Variants in PLG observed in about 807,000 individuals in gnomAD.
PLG encodes plasminogen.
In PLG, 41 loss-of-function variants were observed where a neutral mutation model predicts 104.4. The ratio of observed to expected loss-of-function variants is 0.39; its 90% CI spans 0.31 to 0.51. PLG has a LOEUF of 0.51. Ranked by LOEUF, PLG falls within the 20% of genes least tolerant of loss-of-function variation. The pLI, the probability that PLG is intolerant of heterozygous loss-of-function variation, is 0.76. For missense variants in PLG, 891 were observed against 1,003.6 expected (o/e 0.89, Z 1.52); for synonymous variants, 337 against 357.1 (o/e 0.94, Z 0.63).
chr6:160,706,086 C>T (rs1777516411), intron 1 of PLG: 1 of 366,146 alleles, frequency 2.7e-6, no homozygotes, highest in Admixed American at 4.2e-5. Flanking sequence ...TGACACTGAG[C>T]TTTGGGGTAC....
chr6:160,742,968 C>A (rs532557605), intron 17 of PLG, among the ~76,000 whole-genome samples: 1 of 149,734 alleles, frequency 6.7e-6, no homozygotes. Context: ...AGGTGTGTGG[C>A]CTTATTTCTG....
chr6:160,720,616 C>T (rs1026669333), intron 9 of PLG, among the ~76,000 whole-genome samples: 3 of 151,882 alleles, frequency 2.0e-5, no homozygotes, highest in Non-Finnish European at 2.9e-5. Context: ...GACAGAGTTT[C>T]GCCATGTTGG....
rs1211407842 is a variant in PLG, at chr6:160,737,132, G to T, written c.1802+125G>T. 1.1e-5 allele frequency: 13 copies of T among 1,172,242 alleles called. No homozygotes were observed. The highest frequency in any genetic ancestry group is 1.6e-5 in the Non-Finnish European group (13 of 832,846). The allele number at this position is 1,172,242 out of a possible 1,614,324, so 72.6% of individuals were successfully genotyped here. On this transcript the variant is annotated intron_variant, in intron 14 of 18. Transcript: ENST00000308192. The surrounding 1 kb of genome is among the most constrained non-coding windows in gnomAD (Gnocchi z 4.7). The stretch of plus-strand genomic sequence containing the variant: ...CCTGCCTCTAAGTTTTCTGAAGGAG[G>T]AAAAAAGCTACAAAAATTAATATAT...
chr6:160,708,042 A>G (rs1197749072), intron 3 of PLG: 1 of 460,370 alleles, frequency 2.2e-6, no homozygotes, highest in African/African-American at 2.0e-5. Context: ...TTAGATTTAC[A>G]AAATCACTTC....
rs776857694 is a variant in PLG at position 160,735,453 on chromosome 6, T to C, written c.1681+1365T>C. Among the ~76,000 whole-genome samples the C allele has an allele frequency of 1.3e-5, 2 of 152,092 alleles. No individual in the cohort carries two copies. Among genetic ancestry groups the C allele is most frequent in the African/African-American group, 2.4e-5 (1 of 41,394 alleles). Reference sequence around the variant, plus strand: ...TGTACAAGAATCAGGTTCTTAGAGATTGGAGAAAGAAGGAAGAATGGGAAC... The same window carrying C: ...TGTACAAGAATCAGGTTCTTAGAGACTGGAGAAAGAAGGAAGAATGGGAAC... On this transcript the variant is annotated intron_variant, in intron 13 of 18. Coordinates refer to ENST00000308192, the MANE Select transcript of PLG (RefSeq NM_000301.5). The surrounding 1 kb of genome is among the most constrained non-coding windows in gnomAD (Gnocchi z 5.4).
intron 17 of PLG, among the ~76,000 whole-genome samples, chr6:160,749,630 C>G (rs575220103): frequency 1.4e-3 from 214 of 151,472 alleles, no homozygotes; most frequent in African/African-American, 5.1e-3. Context: ...CCACCACCAT[C>G]ATCACCACCA....
intron 1 of PLG, among the ~76,000 whole-genome samples, chr6:160,704,807 C>T (rs2115148319): frequency 6.6e-6 from 1 of 152,348 alleles, no homozygotes; most frequent in South Asian, 2.1e-4. Flanking sequence ...AATCGATGAG[C>T]ATGCATCCAC....
chr6:160,718,019 A>C (rs1426350156), intron 7 of PLG, among the ~76,000 whole-genome samples: 2 of 152,174 alleles, frequency 1.3e-5, no homozygotes, highest in African/African-American at 2.4e-5. Flanking sequence ...CCGGAGGCCG[A>C]GGTGGGCGGA....
chr6:160,738,571 AT>A lies in PLG; in HGVS notation c.1837del (p.Ser613ProfsTer6). The A allele has an allele frequency of 6.2e-7, 1 of 1,612,174 alleles. No individual in the cohort carries two copies. The highest frequency in any genetic ancestry group is 8.5e-7 in the Non-Finnish European group (1 of 1,178,154). ...GMHFCGGTLISPEWVLTAAHC... is the reference protein window; with the variant it reads ...GMHFCGGTLIXPEWVLTAAHC... ...TGCACTTCTGTGGAGGCACCTTGAT[AT>A]CCCCAGAGTGGGTGTTGACTGCTGC... On this transcript the variant is annotated frameshift_variant, in exon 15 of 19. Transcript: ENST00000308192. LOFTEE classifies it high-confidence loss of function. The surrounding 1 kb of genome is among the most constrained non-coding windows in gnomAD (Gnocchi z 6.8).
intron 17 of PLG, among the ~76,000 whole-genome samples, chr6:160,746,224 A>G (rs1370774310): frequency 6.6e-6 from 1 of 152,212 alleles, no homozygotes; most frequent in East Asian, 1.9e-4. Context: ...AATGTTTTCT[A>G]AATTGTTTAC....
rs3778217 is a variant in PLG, at chr6:160,718,026, C to T, written c.788-268C>T. On this transcript the variant is annotated intron_variant, in intron 7 of 18. Coordinates refer to ENST00000308192, the MANE Select transcript of PLG (RefSeq NM_000301.5). The stretch of plus-strand genomic sequence containing the variant: ...CAGCACTTCCGGAGGCCGAGGTGGG[C>T]GGATCACGAGGTCAGGAGTTCAAGA... Among the ~76,000 whole-genome samples, 67,880 of 151,934 alleles carry T rather than the reference C, an allele frequency of 0.45. 15,476 individuals are homozygous for T. Among genetic ancestry groups the T allele is most frequent in the Middle Eastern group, 0.58 (171 of 294 alleles).
At position 160,723,548 on chromosome 6, in the gene PLG, C is replaced by G. The variant is rs1777879033; in HGVS notation, c.1256+981C>G. Among the ~76,000 whole-genome samples, 1 of 152,042 alleles carries G rather than the reference C, an allele frequency of 6.6e-6. No individual in the cohort carries two copies. Among genetic ancestry groups the G allele is most frequent in the African/African-American group, 2.4e-5 (1 of 41,378 alleles). On this transcript the variant is annotated intron_variant, in intron 10 of 18. Transcript: ENST00000308192. The surrounding 1 kb of genome is among the most constrained non-coding windows in gnomAD (Gnocchi z 4.7). ...AGTCTTGCTGAACTGAGGAAGGAGACTGGAGTTGGGATTACTAAAACAGCT... is the reference window on the plus strand; with the variant it reads ...AGTCTTGCTGAACTGAGGAAGGAGAGTGGAGTTGGGATTACTAAAACAGCT...
intron 1 of PLG, 25 bp downstream of exon 1, chr6:160,702,378 T>C (rs1777433405): frequency 6.5e-7 from 1 of 1,538,124 alleles, no homozygotes; most frequent in Non-Finnish European, 8.9e-7. Context: ...TTTTAAATTA[T>C]AAGAATTATT....
rs1778071552 is a variant in PLG at position 160,735,387 on chromosome 6, T to C, written c.1681+1299T>C. The stretch of plus-strand genomic sequence containing the variant: ...CTCCCATGGAAGGGAAGTGCAGTAG[T>C]TTCCCAGGTGCAATTCTGGTGTCCT... On this transcript the variant is annotated intron_variant, in intron 13 of 18. Transcript: ENST00000308192. The surrounding 1 kb of genome is among the most constrained non-coding windows in gnomAD (Gnocchi z 5.4). Among the ~76,000 whole-genome samples, 1 of 152,204 alleles carries C rather than the reference T, an allele frequency of 6.6e-6. No individual in the cohort carries two copies. The highest frequency in any genetic ancestry group is 2.4e-5 in the African/African-American group (1 of 41,454).
At chr6:160,707,977 G>A (rs1777563604) in intron 3 of PLG, 171 bp downstream of exon 3, 2 of 637,068 alleles carry the variant, frequency 3.1e-6, no homozygotes, top group African/African-American at 1.8e-5. Flanking sequence ...ATGTCAGCTT[G>A]AGTGTATTAC....
In PLG at chr6:160,752,861, G is replaced by C; in HGVS notation, c.2272-39G>C. 6.2e-7 allele frequency: 1 copy of C among 1,609,054 alleles called. No homozygotes were observed. Reference sequence around the variant, plus strand: ...GGCATCCCATAATAAAAGGCAGGCAGCCTAACCCTCACATGCATTTTTCTC... The same window carrying C: ...GGCATCCCATAATAAAAGGCAGGCACCCTAACCCTCACATGCATTTTTCTC... On this transcript the variant is annotated intron_variant, in intron 18 of 18. Transcript: ENST00000308192. This position sits in a 1 kb window ranked among gnomAD's most constrained non-coding sequence, Gnocchi z 4.7.
At chr6:160,709,926 C>T (rs1277367351) in intron 3 of PLG, among the ~76,000 whole-genome samples, 1 of 152,184 alleles carries the variant, frequency 6.6e-6, no homozygotes, top group Non-Finnish European at 1.5e-5. Flanking sequence ...TTTATATTTT[C>T]ATTGAAAACA....
chr6:160,736,915 T>C lies in PLG; in HGVS notation c.1710T>C (p.Pro570=), dbSNP rs1778091133. The C allele has an allele frequency of 6.2e-7, 1 of 1,613,938 alleles. No individual in the cohort carries two copies. The highest frequency in any genetic ancestry group is 1.3e-5 in the African/African-American group (1 of 74,998). Residue 570 remains proline, a synonymous_variant, in exon 14 of 19, where the codon CCT becomes CCC. Coordinates refer to ENST00000308192, the MANE Select transcript of PLG (RefSeq NM_000301.5). The surrounding 1 kb of genome is among the most constrained non-coding windows in gnomAD (Gnocchi z 5.2). ...CCCCTTCATTTGATTGTGGGAAGCC[T>C]CAAGTGGAGCCGAAGAAATGTCCTG... The part of the protein sequence containing the change: ...CAAPSFDCGK[P]QVEPKKCPGR...
intron 12 of PLG, 149 bp from the exon 13 acceptor site, chr6:160,733,846 G>GAAAAAAAAAAAAAAAAAAAAAA (rs10540264): frequency 3.2e-6 from 1 of 312,838 alleles, no homozygotes; most frequent in African/African-American, 3.1e-5. Flanking sequence ...CTCCACCTCA[G>GAAAAAAAAAAAAAAAAAAAAAA]AAAAAAAAAA....
Sources: gnomAD v4.1 joint callset for allele counts (sites outside exome capture counted in the v4.1 genomes callset) on GRCh38, gnomAD v4.1.1 for gene constraint, Gnocchi (gnomAD v3.1) non-coding constraint, MANE v1.5 for transcripts, NCBI Gene and HGNC (gene_info 2026-07-23, HGNC 2026-07-21) for gene names.